Variants in MEGF9 observed in about 807,000 individuals in gnomAD.
The protein encoded by MEGF9 is multiple epidermal growth factor-like domains protein 9.
Under a neutral mutation model 46.8 loss-of-function variants are expected in MEGF9, and 6 were observed. The ratio of observed to expected loss-of-function variants is 0.13; its 90% confidence interval spans 0.07 to 0.25. The LOEUF (loss-of-function observed/expected upper bound fraction) is 0.25, where lower values mean the gene tolerates loss of function less well. Among genes scored for constraint, MEGF9 ranks in the 10% least tolerant of loss-of-function variants. MEGF9 has a pLI of 1.00. For missense variants in MEGF9, 683 were observed against 792.4 expected (o/e 0.86, Z 1.66); for synonymous variants, 302 against 330.7 (o/e 0.91, Z 0.94).
At chr9:120,633,030 G>A (rs1476780171) in intron 2 of MEGF9, among the ~76,000 whole-genome samples, 1 of 152,120 alleles carries the variant, frequency 6.6e-6, no homozygotes, top group Non-Finnish European at 1.5e-5. Flanking sequence ...ATGTTATTCA[G>A]GGATATGGGC....
intron 1 of MEGF9, among the ~76,000 whole-genome samples, chr9:120,667,735 C>T (rs1270122222): frequency 6.6e-6 from 1 of 151,990 alleles, no homozygotes; most frequent in East Asian, 1.9e-4. Flanking sequence ...TTAAAAAAAC[C>T]AACAAACTGG....
At chr9:120,634,165 T>C (rs952836338) in intron 2 of MEGF9, among the ~76,000 whole-genome samples, 3 of 152,176 alleles carry the variant, frequency 2.0e-5, no homozygotes, top group African/African-American at 7.2e-5. Context: ...AGATGATATG[T>C]CCAATGTTGA....
At chr9:120,691,298 T>C (rs868531479) in intron 1 of MEGF9, 3 of 299,560 alleles carry the variant, frequency 1.0e-5, no homozygotes, top group South Asian at 5.5e-5. Flanking sequence ...CATGGAGTGA[T>C]AGTTGGTTGT....
At chr9:120,683,257 G>T (rs929367255) in intron 1 of MEGF9, among the ~76,000 whole-genome samples, 1 of 152,170 alleles carries the variant, frequency 6.6e-6, no homozygotes, top group Non-Finnish European at 1.5e-5. Flanking sequence ...TAAGGAATAT[G>T]CATTTTTACA....
At chr9:120,679,631 AAAAGAGAG>A in intron 1 of MEGF9, among the ~76,000 whole-genome samples, 1 of 152,232 alleles carries the variant, frequency 6.6e-6, no homozygotes, top group Admixed American at 6.5e-5. Context: ...AATTTAAAAA[AAAAGAGAG>A]AGAGACAGAG....
In MEGF9 at chr9:120,643,967, G is replaced by A. The variant is rs1045472062; in HGVS notation, c.803+15407C>T. On this transcript the variant is annotated intron_variant, in intron 2 of 5. Coordinates refer to ENST00000373930, the MANE Select transcript of MEGF9 (RefSeq NM_001080497.3). ...TGGGCTCAAGCGATCCTCCTGCCTT[G>A]GCCTCCCAAAGTGCTGGGATAAGAG... Among the ~76,000 whole-genome samples the A allele has an allele frequency of 2.6e-5, 4 of 152,080 alleles. No individual in the cohort carries two copies. In the East Asian group the frequency reaches 7.7e-4, roughly 29 times the overall value.
At chr9:120,637,153 T>G (rs1320443725) in intron 2 of MEGF9, among the ~76,000 whole-genome samples, 1 of 152,224 alleles carries the variant, frequency 6.6e-6, no homozygotes, top group African/African-American at 2.4e-5. Context: ...AAACATGTGC[T>G]GTGTCAACTC....
In MEGF9 at chr9:120,714,118, C is replaced by G. The variant is rs750352383; in HGVS notation, c.241G>C (p.Gly81Arg). 25 of 1,242,562 alleles carry G rather than the reference C, an allele frequency of 2.0e-5. 1 individual carries two copies. Among genetic ancestry groups the G allele is most frequent in the Non-Finnish European group, 1.3e-5 (13 of 993,306 alleles). The allele number at this position is 1,242,562 out of a possible 1,614,324, so 77.0% of individuals were successfully genotyped here. A position where few individuals can be genotyped will look rare whatever the true frequency, so the allele number is the denominator to read the frequency against. The part of the protein sequence containing the change: ...TAPTAQAPRT[G>R]PPRATVHRPL... ...CGGTGGACGGTGGCGCGCGGGGGCC[C>G]GGTCCTCGGGGCCTGGGCCGTGGGA... Residue 81 changes from glycine to arginine, a missense_variant, in exon 1 of 6, where the codon GGG becomes CGG. Gly to Arg is a moderately radical substitution (Grantham distance 125). Coordinates refer to ENST00000373930, the MANE Select transcript of MEGF9 (RefSeq NM_001080497.3).
At chr9:120,628,825 A>G (rs1198599818) in intron 2 of MEGF9, among the ~76,000 whole-genome samples, 2 of 152,222 alleles carry the variant, frequency 1.3e-5, no homozygotes, top group African/African-American at 4.8e-5. Context: ...CCTTGAATAA[A>G]TAGTCCAGAA....
chr9:120,628,079 C>T (rs1231840052), intron 2 of MEGF9, among the ~76,000 whole-genome samples: 3 of 151,974 alleles, frequency 2.0e-5, no homozygotes, highest in African/African-American at 7.3e-5. Context: ...ATATTAAAAT[C>T]GAACTTTAAA....
At chr9:120,703,341 G>A (rs539779394) in intron 1 of MEGF9, among the ~76,000 whole-genome samples, 1 of 152,322 alleles carries the variant, frequency 6.6e-6, no homozygotes, top group East Asian at 1.9e-4. Context: ...AGGTATAACT[G>A]TGAACAAAAC....
intron 4 of MEGF9, 112 bp downstream of exon 4, chr9:120,612,283 TA>T: frequency 1.0e-6 from 1 of 1,000,030 alleles, no homozygotes; most frequent in Non-Finnish European, 1.4e-6. Context: ...TTGCTGTTTT[TA>T]TAACTCCCTT....
At chr9:120,706,309 A>T (rs2043928683) in intron 1 of MEGF9, among the ~76,000 whole-genome samples, 1 of 152,156 alleles carries the variant, frequency 6.6e-6, no homozygotes, top group Non-Finnish European at 1.5e-5. Flanking sequence ...AATACAGAAG[A>T]TTTGAAACTA....
intron 2 of MEGF9, among the ~76,000 whole-genome samples, chr9:120,635,038 G>A (rs2043568027): frequency 1.3e-5 from 2 of 152,054 alleles, no homozygotes; most frequent in Admixed American, 1.3e-4. Context: ...TGCTTATCTG[G>A]GAAAGACTTT....
intron 1 of MEGF9, among the ~76,000 whole-genome samples, chr9:120,682,087 T>C (rs2043801182): frequency 6.6e-6 from 1 of 152,228 alleles, no homozygotes; most frequent in African/African-American, 2.4e-5. Context: ...TTCTCTACCC[T>C]ACATTTTTAT....
At chr9:120,697,236 T>A (rs1239387801) in intron 1 of MEGF9, among the ~76,000 whole-genome samples, 2 of 152,154 alleles carry the variant, frequency 1.3e-5, no homozygotes, top group Admixed American at 6.5e-5. Context: ...GCACAAGCCA[T>A]TATACCCAGC....
At chr9:120,708,789 C>A (rs1312327647) in intron 1 of MEGF9, among the ~76,000 whole-genome samples, 1 of 152,170 alleles carries the variant, frequency 6.6e-6, no homozygotes, top group East Asian at 1.9e-4. Flanking sequence ...AAAAGGATAA[C>A]TGAATTTAAC....
intron 5 of MEGF9, 74 bp downstream of exon 5, chr9:120,607,667 G>A: frequency 6.7e-7 from 1 of 1,503,678 alleles, no homozygotes; most frequent in African/African-American, 1.4e-5. Flanking sequence ...AGGGTTAGAA[G>A]GTTTTACAAA....
At chr9:120,696,918 T>G (rs1324732574) in intron 1 of MEGF9, among the ~76,000 whole-genome samples, 1 of 152,214 alleles carries the variant, frequency 6.6e-6, no homozygotes, top group African/African-American at 2.4e-5. Context: ...GAAAACATAT[T>G]CGAATCTAGT....
Sources: allele counts gnomAD v4.1 joint callset (sites outside exome capture counted in the v4.1 genomes callset), GRCh38; gene constraint gnomAD v4.1.1; transcripts MANE v1.5; gene names NCBI Gene and HGNC (gene_info 2026-07-23, HGNC 2026-07-21).